Variants in ADGRL3 observed in about 807,000 individuals in gnomAD.
ADGRL3 encodes the protein adhesion G protein-coupled receptor L3.
Under a neutral mutation model 153.5 loss-of-function variants are expected in ADGRL3, and 62 were observed. That is an observed-to-expected ratio of 0.40 (90% CI 0.33 to 0.50). The LOEUF (loss-of-function observed/expected upper bound fraction) is 0.50. Among genes scored for constraint, ADGRL3 ranks in the 20% least tolerant of loss-of-function variants. The probability of loss-of-function intolerance (pLI) is 0.47; values close to 1 mark genes in which losing one functional copy is unlikely to be tolerated. For synonymous variants in ADGRL3, 710 were observed against 672.5 expected, an observed-to-expected ratio of 1.06 and a Z score of -0.86; for missense variants, 1,641 against 1,859.4, an observed-to-expected ratio of 0.88 and a Z score of 2.16.
intron 1 of ADGRL3, among the ~76,000 whole-genome samples, chr4:61,278,592 C>G (rs1300070608): frequency 1.1e-4 from 17 of 152,096 alleles, no homozygotes; most frequent in Admixed American, 1.1e-3. Context: ...TGATCTCCAC[C>G]TCCCGGGTTC....
At chr4:61,950,330 T>C (rs144914822) in intron 17 of ADGRL3, among the ~76,000 whole-genome samples, 12 of 151,996 alleles carry the variant, frequency 7.9e-5, no homozygotes, top group African/African-American at 2.7e-4. Flanking sequence ...TGTGGGAAAA[T>C]TGAATAAGTA....
intron 11 of ADGRL3, among the ~76,000 whole-genome samples, chr4:61,904,167 T>G (rs2098682486): frequency 8.9e-6 from 1 of 112,386 alleles, no homozygotes; most frequent in South Asian, 3.2e-4. Flanking sequence ...GGATTAAGTT[T>G]ATTGTTCATT....
At chr4:61,387,090 A>C (rs1578577201) in intron 2 of ADGRL3, among the ~76,000 whole-genome samples, 1 of 152,254 alleles carries the variant, frequency 6.6e-6, no homozygotes, top group Non-Finnish European at 1.5e-5. Context: ...CAAAAGAGAG[A>C]AATTCTAAAG....
At chr4:61,443,277 A>G (rs951558290) in intron 2 of ADGRL3, among the ~76,000 whole-genome samples, 7 of 152,208 alleles carry the variant, frequency 4.6e-5, no homozygotes, top group Non-Finnish European at 8.8e-5. Flanking sequence ...AAAAAGTTAA[A>G]TGAAACTTAA....
intron 9 of ADGRL3, among the ~76,000 whole-genome samples, chr4:61,868,499 G>A (rs888214416): frequency 6.6e-6 from 1 of 152,060 alleles, no homozygotes; most frequent in Non-Finnish European, 1.5e-5. Flanking sequence ...TGACATCTCT[G>A]TCTCTATAAC....
chr4:61,416,436 A>G (rs527872378), intron 2 of ADGRL3, among the ~76,000 whole-genome samples: 1 of 152,320 alleles, frequency 6.6e-6, no homozygotes, highest in African/African-American at 2.4e-5. Flanking sequence ...AGATTTCTCA[A>G]AGATATCTGT....
chr4:61,376,412 A>G (rs1301170896), intron 1 of ADGRL3, among the ~76,000 whole-genome samples: 2 of 151,918 alleles, frequency 1.3e-5, no homozygotes, highest in African/African-American at 4.8e-5. Context: ...TAATACTGAT[A>G]ATTTGAAAGC....
intron 11 of ADGRL3, among the ~76,000 whole-genome samples, chr4:61,903,693 G>T: frequency 7.4e-6 from 1 of 135,218 alleles, no homozygotes; most frequent in Admixed American, 7.4e-5. Context: ...AGAATAGAGG[G>T]TCAGAAAATA....
At chr4:61,242,562 T>C (rs1755425689) in intron 1 of ADGRL3, among the ~76,000 whole-genome samples, 2 of 152,100 alleles carry the variant, frequency 1.3e-5, no homozygotes, top group Admixed American at 6.6e-5. Flanking sequence ...TCAGAATTAA[T>C]GTCTGAACCC....
chr4:61,660,168 A>G (rs549880963), intron 5 of ADGRL3, among the ~76,000 whole-genome samples: 19 of 152,292 alleles, frequency 1.2e-4, no homozygotes, highest in African/African-American at 4.6e-4. Flanking sequence ...TTCTTCGTGT[A>G]TGCATACCTC....
intron 9 of ADGRL3, among the ~76,000 whole-genome samples, 193 bp from the exon 10 acceptor site, chr4:61,892,463 T>C (rs969566851): frequency 6.6e-6 from 1 of 152,150 alleles, no homozygotes; most frequent in Admixed American, 6.5e-5. Flanking sequence ...GTTGTTTTGA[T>C]ACTCAAGTGG....
chr4:61,612,919 G>C (rs1274496548), intron 5 of ADGRL3, among the ~76,000 whole-genome samples: 1 of 152,026 alleles, frequency 6.6e-6, no homozygotes, highest in African/African-American at 2.4e-5. Context: ...CTACATAAGG[G>C]GAGAAAAGAG....
intron 1 of ADGRL3, among the ~76,000 whole-genome samples, chr4:61,273,514 C>T (rs759995233): frequency 5.9e-5 from 9 of 152,132 alleles, no homozygotes; most frequent in East Asian, 1.9e-4. Flanking sequence ...GGCCTTGTGG[C>T]GTATTTTGTG....
intron 12 of ADGRL3, among the ~76,000 whole-genome samples, chr4:61,912,341 T>A (rs971038633): frequency 1.3e-5 from 2 of 152,244 alleles, no homozygotes; most frequent in Non-Finnish European, 2.9e-5. Context: ...AAACTTCTGA[T>A]GCAATTTCCT....
intron 1 of ADGRL3, among the ~76,000 whole-genome samples, chr4:61,238,127 AT>A (rs1292489170): frequency 6.6e-6 from 1 of 152,166 alleles, no homozygotes; most frequent in Non-Finnish European, 1.5e-5. Flanking sequence ...TGAGATTAGC[AT>A]TAGGGTTGAA....
chr4:61,497,347 T>C lies in ADGRL3; in HGVS notation c.54T>C (p.His18=). Residue 18 remains histidine, a splice_region_variant and synonymous_variant, in exon 3 of 27, where the codon CAT becomes CAC. Transcript: ENST00000683033. ...IFMMLLAPII[H]GGKHSERHPA... ...TGATGCTCTTAGCTCCAATAATTCA[T>C]GGTAAGATTTTTCAGATTTTTGTGT... The C allele has an allele frequency of 6.2e-7, 1 of 1,601,680 alleles. No homozygotes were observed. The highest frequency in any genetic ancestry group is 8.5e-7 in the Non-Finnish European group (1 of 1,174,884).
At chr4:61,290,886 G>A (rs2094151569) in intron 1 of ADGRL3, among the ~76,000 whole-genome samples, 1 of 151,858 alleles carries the variant, frequency 6.6e-6, no homozygotes, top group African/African-American at 2.4e-5. Flanking sequence ...CATACTTCTA[G>A]ATAAGAATAA....
chr4:61,813,704 T>C, intron 8 of ADGRL3, 105 bp from the exon 9 acceptor site: 1 of 1,328,784 alleles, frequency 7.5e-7, no homozygotes, highest in Non-Finnish European at 1.0e-6. Context: ...TAATTTAGGC[T>C]ATTAATTCAG....
intron 2 of ADGRL3, among the ~76,000 whole-genome samples, chr4:61,473,858 C>T (rs2152696987): frequency 1.3e-5 from 2 of 152,058 alleles, no homozygotes; most frequent in Middle Eastern, 6.8e-3. Context: ...AAGTCTTGTG[C>T]TAGTTGATGG....
Sources: gnomAD v4.1 joint callset for allele counts (sites outside exome capture counted in the v4.1 genomes callset) on GRCh38, gnomAD v4.1.1 for gene constraint, MANE v1.5 for transcripts, NCBI Gene and HGNC (gene_info 2026-07-23, HGNC 2026-07-21) for gene names.